DPP6: variants seen among roughly 807,000 people sequenced by gnomAD.
The protein encoded by DPP6 is dipeptidyl peptidase like 6, also known as A-type potassium channel modulatory protein DPP6.
A neutral mutation model predicts 122.6 loss-of-function variants in DPP6; 69 were observed. The ratio of observed to expected loss-of-function variants is 0.56; its 90% confidence interval spans 0.46 to 0.69. DPP6 has a LOEUF of 0.69. Among genes scored for constraint, DPP6 ranks in the 30% least tolerant of loss-of-function variants. The pLI is 0.00. For missense variants in DPP6, 928 were observed against 1,116.9 expected, an observed-to-expected ratio of 0.83 and a Z score of 2.41; for synonymous variants, 418 against 433.1, an observed-to-expected ratio of 0.97 and a Z score of 0.43.
At chr7:154,727,189 G>T (rs1563145510) in intron 7 of DPP6, among the ~76,000 whole-genome samples, 1 of 152,210 alleles carries the variant, frequency 6.6e-6, no homozygotes, top group African/African-American at 2.4e-5. Context: ...ATTGACTCAT[G>T]ATTCTGCAGG....
chr7:154,785,379 A>C (rs1587133914), intron 10 of DPP6, among the ~76,000 whole-genome samples: 1 of 152,266 alleles, frequency 6.6e-6, no homozygotes, highest in African/African-American at 2.4e-5. Flanking sequence ...TTTTAAATGA[A>C]TTTTAGTCTT....
At chr7:154,491,742 C>T (rs115815496) in intron 3 of DPP6, among the ~76,000 whole-genome samples, 3,069 of 152,210 alleles carry the variant, frequency 0.02, 115 homozygotes, top group African/African-American at 0.069. Flanking sequence ...AATTTGAAAC[C>T]GACACCACTG....
the DPP6 span, among the ~76,000 whole-genome samples, chr7:153,801,359 C>A: frequency 6.6e-6 from 1 of 151,596 alleles, no homozygotes. Flanking sequence ...TATGTCAGGT[C>A]TCCTTGCACA....
rs1380510177 is a variant in DPP6 at position 154,486,018 on chromosome 7, T to G, written c.457+10981T>G. Among the ~76,000 whole-genome samples the G allele has an allele frequency of 6.7e-6, 1 of 149,632 alleles. No individual in the cohort carries two copies. Among genetic ancestry groups the G allele is most frequent in the Non-Finnish European group, 1.5e-5 (1 of 67,700 alleles). On this transcript the variant is annotated intron_variant, in intron 3 of 25. Transcript: ENST00000377770. This position sits in a 1 kb window ranked among gnomAD's most constrained non-coding sequence, Gnocchi z 4.5. ...ACTTTAGAAATAAGAAAACTATGAGTCAAAGACACTAAATCACTTTTTCAA... is the reference window on the plus strand; with the variant it reads ...ACTTTAGAAATAAGAAAACTATGAGGCAAAGACACTAAATCACTTTTTCAA...
chr7:153,896,018 A>C (rs1799399841), intron 1 of DPP6, among the ~76,000 whole-genome samples: 1 of 152,250 alleles, frequency 6.6e-6, no homozygotes, highest in Non-Finnish European at 1.5e-5. Context: ...GCAAGGCACC[A>C]ATTGGATGGG....
chr7:154,374,598 T>A (rs1812957343), intron 1 of DPP6, among the ~76,000 whole-genome samples: 1 of 121,632 alleles, frequency 8.2e-6, no homozygotes, highest in Non-Finnish European at 1.9e-5. Context: ...TTTTTTCTTT[T>A]TCTGTTTTTT....
intron 16 of DPP6, among the ~76,000 whole-genome samples, chr7:154,852,079 C>T (rs1422221209): frequency 6.6e-6 from 1 of 152,182 alleles, no homozygotes; most frequent in Non-Finnish European, 1.5e-5. Flanking sequence ...CTGCCACATG[C>T]TCTTTGGGCC....
At chr7:153,956,203 G>A (rs368285507) in intron 1 of DPP6, among the ~76,000 whole-genome samples, 2 of 152,182 alleles carry the variant, frequency 1.3e-5, no homozygotes, top group African/African-American at 2.4e-5. Flanking sequence ...ATGTGGGCAG[G>A]TGGGGGCTGG....
At chr7:154,383,407 G>T (rs1813800265) in intron 1 of DPP6, among the ~76,000 whole-genome samples, 1 of 152,170 alleles carries the variant, frequency 6.6e-6, no homozygotes, top group African/African-American at 2.4e-5. Context: ...TTGCATTTGA[G>T]TTCGCATCGA....
chr7:154,676,479 G>A (rs531994443), intron 7 of DPP6, among the ~76,000 whole-genome samples: 3 of 145,838 alleles, frequency 2.1e-5, no homozygotes, highest in African/African-American at 7.5e-5. Context: ...TCCAGGCTGC[G>A]GCCATGGGGT....
intron 1 of DPP6, among the ~76,000 whole-genome samples, chr7:153,941,531 G>A (rs1390690153): frequency 6.6e-6 from 1 of 152,074 alleles, no homozygotes; most frequent in Non-Finnish European, 1.5e-5. Flanking sequence ...GGAGAGAGAG[G>A]GCCCCACAGA....
At position 154,010,410 on chromosome 7, in the gene DPP6, A is replaced by T. The variant is rs573393182; in HGVS notation, c.51+122676A>T. Reference sequence around the variant, plus strand: ...CACCCCAGACCACTATTCAGTTGTCATCTGAAATAATGGAAGTCAGAGTCA... The same window carrying T: ...CACCCCAGACCACTATTCAGTTGTCTTCTGAAATAATGGAAGTCAGAGTCA... On this transcript the variant is annotated intron_variant, in intron 1 of 25. Coordinates refer to the DPP6 transcript ENST00000404039. 1.1e-3 allele frequency among the ~76,000 whole-genome samples: 172 copies of T among 152,402 alleles called. 1 individual carries two copies. Among genetic ancestry groups the T allele is most frequent in the African/African-American group, 4.0e-3 (168 of 41,604 alleles).
chr7:154,772,270 C>T lies in DPP6; in HGVS notation c.1039-575C>T, dbSNP rs1309101271. ...TGCCCTGTCGTGGGCCTGATAGCCT[C>T]TGTAAACCTGAACATCTTCTGCAGG... is the stretch of plus-strand genomic sequence containing the variant. On this transcript the variant is annotated intron_variant, in intron 9 of 25. Coordinates refer to ENST00000377770, the MANE Select transcript of DPP6 (RefSeq NM_130797.4). 2.0e-5 allele frequency among the ~76,000 whole-genome samples: 3 copies of T among 152,232 alleles called. No individual in the cohort carries two copies. The East Asian group carries it at 5.8e-4, about 29-fold the overall frequency.
At chr7:154,401,879 A>G (rs1220941268) in intron 1 of DPP6, among the ~76,000 whole-genome samples, 1 of 152,192 alleles carries the variant, frequency 6.6e-6, no homozygotes, top group African/African-American at 2.4e-5. Flanking sequence ...AGAATCTACA[A>G]TGAACTCAAA....
chr7:154,176,958 C>T (rs1333235098), intron 1 of DPP6, among the ~76,000 whole-genome samples: 1 of 152,106 alleles, frequency 6.6e-6, no homozygotes, highest in African/African-American at 2.4e-5. Flanking sequence ...CTCAGCCTCC[C>T]AAGTAGCTAG....
In DPP6 at chr7:154,313,746, C is replaced by CAT. The variant is rs1171371557; in HGVS notation, c.244-132467_244-132466insTA. Among the ~76,000 whole-genome samples the CAT allele has an allele frequency of 8.3e-3, 218 of 26,218 alleles. 37 individuals are homozygous for CAT. The highest frequency in any genetic ancestry group is 0.032 in the South Asian group (22 of 686). 17.2% of individuals were successfully genotyped at this position (26,218 alleles called of 152,430 possible). The stretch of plus-strand genomic sequence containing the variant: ...ACACGCACGCACACACACACACACA[C>CAT]ACACACCCTTACATATATATGTAGT... On this transcript the variant is annotated intron_variant, in intron 1 of 25. Coordinates refer to ENST00000377770, the MANE Select transcript of DPP6 (RefSeq NM_130797.4).
At chr7:154,106,729 G>A (rs1806188168) in intron 1 of DPP6, among the ~76,000 whole-genome samples, 1 of 152,134 alleles carries the variant, frequency 6.6e-6, no homozygotes, top group Admixed American at 6.5e-5. Flanking sequence ...CCAGGCACAG[G>A]TGAGAGCAGG....
At chr7:154,000,666 G>A (rs1195517005) in intron 1 of DPP6, among the ~76,000 whole-genome samples, 1 of 152,106 alleles carries the variant, frequency 6.6e-6, no homozygotes, top group African/African-American at 2.4e-5. Context: ...TCTTTAATAA[G>A]AAGGGTTTGG....
At chr7:154,593,239 T>C (rs1832907189) in intron 5 of DPP6, among the ~76,000 whole-genome samples, 1 of 152,230 alleles carries the variant, frequency 6.6e-6, no homozygotes. Flanking sequence ...TGGGGATTAA[T>C]AGCTCCGGTC....
Sources: gnomAD v4.1 joint callset for allele counts (sites outside exome capture counted in the v4.1 genomes callset) on GRCh38, gnomAD v4.1.1 for gene constraint, Gnocchi (gnomAD v3.1) non-coding constraint, MANE v1.5 for transcripts, NCBI Gene and HGNC (gene_info 2026-07-23, HGNC 2026-07-21) for gene names.